The following SLC4A10 variants were observed in gnomAD, a reference collection of about 807,000 sequenced individuals.
The protein encoded by SLC4A10 is sodium-driven chloride bicarbonate exchanger.
A neutral mutation model predicts 137.7 loss-of-function variants in SLC4A10; 42 were observed. The ratio of observed to expected loss-of-function variants is 0.30; its 90% confidence interval spans 0.24 to 0.39. The LOEUF is 0.39. Among genes scored for constraint, SLC4A10 ranks in the 10% least tolerant of loss-of-function variants. The probability of loss-of-function intolerance (pLI) is 1.00; values close to 1 mark genes in which losing one functional copy is unlikely to be tolerated. For synonymous variants in SLC4A10, 474 were observed against 464.1 expected (o/e 1.02, Z -0.27); for missense variants, 925 against 1,355.0 (o/e 0.68, Z 4.98).
At chr2:161,957,772 A>G (rs967466861) in intron 20 of SLC4A10, among the ~76,000 whole-genome samples, 5 of 152,102 alleles carry the variant, frequency 3.3e-5, no homozygotes, top group Non-Finnish European at 7.4e-5. Flanking sequence ...CTTGAAATCT[A>G]TTTTTAAGAG....
Position 161,707,463 on chromosome 2 carries a change from C to CT in SLC4A10, c.49-63498dup, listed in dbSNP as rs202011270. Among the ~76,000 whole-genome samples the CT allele has an allele frequency of 2.8e-3, 401 of 141,568 alleles. 1 individual carries two copies. In the East Asian group the frequency reaches 0.031, roughly 11 times the overall value. 92.9% of individuals were successfully genotyped at this position (141,568 alleles called of 152,430 possible). On this transcript the variant is annotated intron_variant, in intron 1 of 26. Transcript: ENST00000446997. ...TAGTTGAATTGACTATAATCTTAGT[C>CT]TTTTTTTTTTTTGGTTTGTGTTTTC...
intron 15 of SLC4A10, among the ~76,000 whole-genome samples, chr2:161,924,477 T>C (rs148973410): frequency 6.6e-4 from 100 of 152,274 alleles, no homozygotes; most frequent in African/African-American, 2.3e-3. Context: ...GTATACATGA[T>C]ATCTGTGATT....
chr2:161,829,908 A>C (rs765625733), intron 3 of SLC4A10, among the ~76,000 whole-genome samples: 13 of 152,044 alleles, frequency 8.6e-5, no homozygotes, highest in Non-Finnish European at 1.6e-4. Context: ...AAACCATCAG[A>C]TCTCATGAGA....
At position 161,950,663 on chromosome 2, in the gene SLC4A10, A is replaced by C. The variant is rs1337541651; in HGVS notation, c.2380-24A>C. The C allele has an allele frequency of 1.9e-6, 3 of 1,564,778 alleles. 1 individual carries two copies. Among genetic ancestry groups the C allele is most frequent in the Admixed American group, 3.8e-5 (2 of 52,672 alleles). On this transcript the variant is annotated intron_variant, in intron 18 of 26. Coordinates refer to ENST00000446997, the MANE Select transcript of SLC4A10 (RefSeq NM_001178015.2). ...GTATTCATTAATCCAGTTCATAACT[A>C]TGCACATTCTTTACTTTATACAGCC...
chr2:161,656,397 T>C (rs1014599560), intron 1 of SLC4A10, among the ~76,000 whole-genome samples: 2 of 152,194 alleles, frequency 1.3e-5, no homozygotes, highest in Non-Finnish European at 1.5e-5. Flanking sequence ...GAATGAATTG[T>C]TCACTGTATA....
intron 1 of SLC4A10, among the ~76,000 whole-genome samples, chr2:161,658,403 A>G (rs902003635): frequency 2.0e-5 from 3 of 152,116 alleles, no homozygotes; most frequent in Non-Finnish European, 4.4e-5. Context: ...TTGGTTTTGT[A>G]TCTGTTGAAA....
chr2:161,967,117 G>A (rs759574522), intron 23 of SLC4A10, among the ~76,000 whole-genome samples: 64 of 152,306 alleles, frequency 4.2e-4, no homozygotes, highest in Admixed American at 7.2e-4. Context: ...TCCCTGGCCA[G>A]GGCCACTGTC....
At chr2:161,677,397 A>T (rs967482410) in intron 1 of SLC4A10, among the ~76,000 whole-genome samples, 1 of 152,172 alleles carries the variant, frequency 6.6e-6, no homozygotes, top group African/African-American at 2.4e-5. Context: ...ATAGCCACAC[A>T]AATGGACTGA....
chr2:161,708,046 G>T (rs1849881), intron 1 of SLC4A10, among the ~76,000 whole-genome samples: 144,144 of 151,230 alleles, frequency 0.95, 68,722 homozygotes, highest in East Asian at 1. Context: ...GAAGAAGAAA[G>T]TAAATAAAAA....
intron 2 of SLC4A10, among the ~76,000 whole-genome samples, chr2:161,798,218 AT>A (rs1473560073): frequency 4.6e-5 from 7 of 151,966 alleles, no homozygotes; most frequent in African/African-American, 1.7e-4. Context: ...GGAATTAAAG[AT>A]TATATGCTTA....
At chr2:161,678,496 A>G (rs551281083) in intron 1 of SLC4A10, among the ~76,000 whole-genome samples, 6 of 152,314 alleles carry the variant, frequency 3.9e-5, no homozygotes, top group African/African-American at 1.4e-4. Flanking sequence ...TATACATACA[A>G]TAAGTCGCAT....
intron 15 of SLC4A10, among the ~76,000 whole-genome samples, chr2:161,915,403 A>G (rs1346811461): frequency 6.6e-6 from 1 of 151,886 alleles, no homozygotes; most frequent in Non-Finnish European, 1.5e-5. Flanking sequence ...ACATGACTTG[A>G]GTTTTGAATG....
chr2:161,829,275 A>G (rs1029591774), intron 3 of SLC4A10, among the ~76,000 whole-genome samples: 4 of 152,214 alleles, frequency 2.6e-5, no homozygotes, highest in Admixed American at 6.5e-5. Context: ...TAAGAACAAT[A>G]AATATGGTAT....
intron 1 of SLC4A10, among the ~76,000 whole-genome samples, chr2:161,639,275 A>G (rs1481069514): frequency 6.6e-6 from 1 of 152,150 alleles, no homozygotes; most frequent in African/African-American, 2.4e-5. Flanking sequence ...AACTCATTTG[A>G]TAAGGCCAGC....
intron 3 of SLC4A10, among the ~76,000 whole-genome samples, chr2:161,822,395 CATG>C (rs891311425): frequency 1.3e-5 from 2 of 152,190 alleles, no homozygotes; most frequent in Non-Finnish European, 2.9e-5. Context: ...AACTGGTTGT[CATG>C]CAACACAAAA....
intron 1 of SLC4A10, among the ~76,000 whole-genome samples, chr2:161,660,187 A>G (rs146846608): frequency 1.3e-4 from 20 of 152,346 alleles, no homozygotes; most frequent in African/African-American, 4.8e-4. Flanking sequence ...TCTCAATAAA[A>G]CTGCTAAAAA....
intron 1 of SLC4A10, among the ~76,000 whole-genome samples, chr2:161,683,190 A>C (rs181463265): frequency 6.6e-6 from 1 of 152,278 alleles, no homozygotes; most frequent in East Asian, 1.9e-4. Context: ...AAAGTAGATC[A>C]GCTTGAGTTA....
chr2:161,702,652 C>A lies in SLC4A10; in HGVS notation c.49-68321C>A, dbSNP rs960893868. 2.0e-5 allele frequency among the ~76,000 whole-genome samples: 3 copies of A among 151,698 alleles called. No homozygotes were observed. In the South Asian group the frequency reaches 6.2e-4, roughly 31 times the overall value. ...ATAGCTTGCTCTGGGAAAATGACTC[C>A]CTCTCTCTAGGTCCACTCATTCTAC... On this transcript the variant is annotated intron_variant, in intron 1 of 26. Transcript: ENST00000446997.
chr2:161,905,986 C>T, intron 15 of SLC4A10, 99 bp downstream of exon 15: 2 of 1,426,134 alleles, frequency 1.4e-6, no homozygotes, highest in South Asian at 1.5e-5. Flanking sequence ...GAGAATGTGC[C>T]TTAAGTTGAT....
Sources: gnomAD v4.1 joint callset for allele counts (sites outside exome capture counted in the v4.1 genomes callset) on GRCh38, gnomAD v4.1.1 for gene constraint, MANE v1.5 for transcripts, NCBI Gene and HGNC (gene_info 2026-07-23, HGNC 2026-07-21) for gene names.